The following DAB1 variants were observed in gnomAD, a reference collection of about 807,000 sequenced individuals.
DAB1 encodes the protein DAB adaptor protein 1.
DAB1 carries 15 observed loss-of-function variants against 64.6 expected under a neutral mutation model. The ratio of observed to expected loss-of-function variants is 0.23; its 90% confidence interval spans 0.16 to 0.36. DAB1 has a LOEUF of 0.36. Among genes scored for constraint, DAB1 ranks in the 10% least tolerant of loss-of-function variants. The pLI, the probability that DAB1 is intolerant of heterozygous loss-of-function variation, is 1.00. For synonymous variants in DAB1, 235 were observed against 251.9 expected, an observed-to-expected ratio of 0.93 and a Z score of 0.64; for missense variants, 596 against 706.7, an observed-to-expected ratio of 0.84 and a Z score of 1.78.
intron 3 of DAB1, among the ~76,000 whole-genome samples, chr1:58,432,827 G>A (rs1001880810): frequency 6.6e-6 from 1 of 152,222 alleles, no homozygotes; most frequent in African/African-American, 2.4e-5. Context: ...GGACAGAGGA[G>A]CCTACATGAA....
intron 1 of DAB1, among the ~76,000 whole-genome samples, chr1:57,373,764 G>A (rs1351354469): frequency 2.0e-5 from 3 of 152,124 alleles, no homozygotes; most frequent in South Asian, 2.1e-4. Flanking sequence ...CTCGCGCCAC[G>A]GGTATAGGCA....
intron 5 of DAB1, among the ~76,000 whole-genome samples, chr1:57,931,035 T>C (rs962813510): frequency 1.1e-4 from 17 of 152,164 alleles, no homozygotes; most frequent in African/African-American, 4.1e-4. Context: ...TTCTGTCTAT[T>C]GGTAGCTGAC....
At chr1:58,368,075 T>G (rs1296687345) in intron 3 of DAB1, among the ~76,000 whole-genome samples, 2 of 152,194 alleles carry the variant, frequency 1.3e-5, no homozygotes, top group Admixed American at 1.3e-4. Flanking sequence ...AGTGACACAC[T>G]TGGGGAACTT....
At chr1:58,482,916 G>T (rs954797051) in intron 3 of DAB1, among the ~76,000 whole-genome samples, 1 of 152,138 alleles carries the variant, frequency 6.6e-6, no homozygotes, top group Non-Finnish European at 1.5e-5. Context: ...TAAACAGCCT[G>T]CCTCTAATAT....
Position 58,149,690 on chromosome 1 carries a change from A to T in DAB1, n.387+821T>A, listed in dbSNP as rs771594992. ...CCAACAGCTGCACATACGCACACAC[A>T]CCTTGCTACAAGGTAGGAGGTGATT... On this transcript the variant is annotated intron_variant and non_coding_transcript_variant, in intron 5 of 20. Transcript: ENST00000485760. Among the ~76,000 whole-genome samples, 448 of 152,242 alleles carry T rather than the reference A, an allele frequency of 2.9e-3. 1 individual carries two copies. Among genetic ancestry groups the T allele is most frequent in the Middle Eastern group, 6.8e-3 (2 of 294 alleles).
At chr1:57,976,388 AT>A (rs1645920714) in intron 5 of DAB1, among the ~76,000 whole-genome samples, 1 of 152,184 alleles carries the variant, frequency 6.6e-6, no homozygotes, top group Middle Eastern at 3.2e-3. Context: ...TTAATTTAAA[AT>A]TTCAAACTGC....
rs529922049 is a variant in DAB1, at chr1:57,311,489, T to C, written c.-136-20323A>G. 8.6e-5 allele frequency among the ~76,000 whole-genome samples: 13 copies of C among 151,442 alleles called. No individual in the cohort carries two copies. The East Asian group carries it at 1.9e-3, about 23-fold the overall frequency. On this transcript the variant is annotated intron_variant, in intron 1 of 14. Transcript: ENST00000371236. ...ACTCTGTGTAGCTGACTTAGAATGA[T>C]AGGAGTTGTTCTTCCCCACCTCCTG...
rs373548490 is a variant in DAB1 at position 57,679,116 on chromosome 1, G to T, written n.552-29451C>A. ...CTTCATTTTCTAGAGAATGAATATG[G>T]TATACAGAGAAGTTTAACAACTTGC... is the stretch of plus-strand genomic sequence containing the variant. On this transcript the variant is annotated intron_variant and non_coding_transcript_variant, in intron 6 of 20. Transcript: ENST00000485760. Among the ~76,000 whole-genome samples, 77 of 152,174 alleles carry T rather than the reference G, an allele frequency of 5.1e-4. 1 individual carries two copies. Among genetic ancestry groups the T allele is most frequent in the African/African-American group, 1.7e-3 (69 of 41,516 alleles).
At chr1:57,121,105 GGAA>G (rs960225514) in intron 4 of DAB1, among the ~76,000 whole-genome samples, 23 of 147,668 alleles carry the variant, frequency 1.6e-4, no homozygotes, top group African/African-American at 5.2e-4. Flanking sequence ...GAAAAGAAGA[GGAA>G]GAAGAAGAGG....
intron 5 of DAB1, among the ~76,000 whole-genome samples, chr1:57,916,119 A>G (rs568479611): frequency 6.6e-6 from 1 of 152,278 alleles, no homozygotes; most frequent in Non-Finnish European, 1.5e-5. Flanking sequence ...GGTGAAAGAA[A>G]ATGATCCCTA....
At chr1:57,353,490 C>T (rs1253674380) in intron 1 of DAB1, among the ~76,000 whole-genome samples, 1 of 152,134 alleles carries the variant, frequency 6.6e-6, no homozygotes, top group African/African-American at 2.4e-5. Flanking sequence ...AGAGTAAATG[C>T]CCATCAATGT....
intron 4 of DAB1, among the ~76,000 whole-genome samples, chr1:57,084,730 T>G (rs1028999839): frequency 3.9e-5 from 6 of 152,204 alleles, no homozygotes; most frequent in African/African-American, 1.2e-4. Context: ...CAAACCTTTT[T>G]GTTTTTCTGT....
chr1:57,607,227 T>C (rs937344228), intron 7 of DAB1, among the ~76,000 whole-genome samples: 4 of 152,216 alleles, frequency 2.6e-5, no homozygotes, highest in African/African-American at 9.7e-5. Flanking sequence ...TTTTGAGCTG[T>C]GTTTGGTTGC....
intron 5 of DAB1, among the ~76,000 whole-genome samples, chr1:58,054,523 T>G (rs1282671599): frequency 6.6e-6 from 1 of 152,212 alleles, no homozygotes; most frequent in Non-Finnish European, 1.5e-5. Context: ...CTGCATCTCC[T>G]AACTGCAATG....
rs571951760 is a variant in DAB1 at position 57,548,648 on chromosome 1, T to A, written n.625+100944A>T. Among the ~76,000 whole-genome samples the A allele has an allele frequency of 5.3e-5, 8 of 152,320 alleles. No homozygotes were observed. The East Asian group carries it at 1.4e-3, about 26-fold the overall frequency. ...TTCTCCTGAAAAGAATAGCACACAA[T>A]CTTCCTTCCTTTGCAACTTAGCCTA... On this transcript the variant is annotated intron_variant and non_coding_transcript_variant, in intron 7 of 20. Transcript: ENST00000485760.
chr1:58,224,640 C>A (rs1011135481), intron 4 of DAB1, among the ~76,000 whole-genome samples: 1 of 152,010 alleles, frequency 6.6e-6, no homozygotes, highest in African/African-American at 2.4e-5. Context: ...TCTCATTTGA[C>A]CCTCACAGGA....
At chr1:57,878,846 C>T (rs564407816) in intron 1 of DAB1, 6 of 152,166 alleles carry the variant, frequency 3.9e-5, no homozygotes, top group East Asian at 1.9e-4. Flanking sequence ...CCTTCCCAGC[C>T]GCTAGTAACC....
At chr1:57,269,467 C>T (rs1056959901) in intron 2 of DAB1, among the ~76,000 whole-genome samples, 1 of 152,036 alleles carries the variant, frequency 6.6e-6, no homozygotes, top group Admixed American at 6.5e-5. Flanking sequence ...GTAAGAGCCC[C>T]CTGAAGCTGT....
At chr1:57,410,612 C>T (rs1684031599) in intron 1 of DAB1, among the ~76,000 whole-genome samples, 1 of 152,178 alleles carries the variant, frequency 6.6e-6, no homozygotes, top group Non-Finnish European at 1.5e-5. Flanking sequence ...CTCCTCCCTG[C>T]CCCTCTTACT....
Sources: allele counts gnomAD v4.1 joint callset (sites outside exome capture counted in the v4.1 genomes callset), GRCh38; gene constraint gnomAD v4.1.1; transcripts MANE v1.5; gene names NCBI Gene and HGNC (gene_info 2026-07-23, HGNC 2026-07-21).